The following COPB1 variants were observed in gnomAD, a reference collection of about 807,000 sequenced individuals.
COPB1 encodes the protein coatomer subunit beta.
Under a neutral mutation model 108.7 loss-of-function variants are expected in COPB1, and 21 were observed. That is an observed-to-expected ratio of 0.19 (90% CI 0.14 to 0.28). COPB1 has a LOEUF of 0.28. Ranked by LOEUF, COPB1 falls within the 10% of genes least tolerant of loss-of-function variation. The probability of loss-of-function intolerance (pLI) is 1.00; values close to 1 mark genes in which losing one functional copy is unlikely to be tolerated. For synonymous variants in COPB1, 378 were observed against 386.8 expected (o/e 0.98, Z 0.27); for missense variants, 919 against 1,141.3 (o/e 0.81, Z 2.81).
At chr11:14,477,108 G>C in intron 11 of COPB1, 93 bp from the exon 12 acceptor site, 1 of 916,080 alleles carries the variant, frequency 1.1e-6, no homozygotes, top group Non-Finnish European at 1.8e-6. Context: ...TAAAAACAAG[G>C]GCCAGGCACT....
At chr11:14,464,846 T>A (rs905890228) in intron 18 of COPB1, 65 bp downstream of exon 18, 2 of 1,551,640 alleles carry the variant, frequency 1.3e-6, no homozygotes, top group African/African-American at 2.7e-5. Flanking sequence ...TGTCCCCAGC[T>A]ACTCACTATA....
intron 12 of COPB1, among the ~76,000 whole-genome samples, chr11:14,476,195 C>T (rs1788132254): frequency 6.6e-6 from 1 of 152,094 alleles, no homozygotes; most frequent in Admixed American, 6.5e-5. Context: ...TCTTAATCTG[C>T]TAAGTGGAAA....
intron 11 of COPB1, among the ~76,000 whole-genome samples, chr11:14,478,002 T>C (rs1381733764): frequency 2.7e-5 from 4 of 147,456 alleles, no homozygotes; most frequent in African/African-American, 1.0e-4. Context: ...CAAGCTTCTG[T>C]CTCAATAACA....
In COPB1 at chr11:14,458,426, TATGC is replaced by T; in HGVS notation, c.2802+102_2802+105del. 6 of 1,066,216 alleles carry T rather than the reference TATGC, an allele frequency of 5.6e-6. No homozygotes were observed. The South Asian group carries it at 1.1e-4, about 19-fold the overall frequency. 66.0% of individuals were successfully genotyped at this position (1,066,216 alleles called of 1,614,324 possible). On this transcript the variant is annotated intron_variant, in intron 21 of 21. Coordinates refer to ENST00000439561, the MANE Select transcript of COPB1 (RefSeq NM_001144061.2). ...AGAGTATATTATTATTGTATGTGTATATGCATCTAATGCTAAAAAGATACTACAT... is the reference window on the plus strand; with the variant it reads ...AGAGTATATTATTATTGTATGTGTATATCTAATGCTAAAAAGATACTACAT...
intron 14 of COPB1, among the ~76,000 whole-genome samples, chr11:14,470,898 A>G (rs1315108414): frequency 9.8e-6 from 1 of 102,128 alleles, no homozygotes; most frequent in African/African-American, 3.9e-5. Flanking sequence ...AGTGGAAGAA[A>G]TACACACACA....
chr11:14,480,410 A>G (rs1369745041), intron 10 of COPB1, among the ~76,000 whole-genome samples: 1 of 152,230 alleles, frequency 6.6e-6, no homozygotes, highest in Non-Finnish European at 1.5e-5. Context: ...AATTTTTCCT[A>G]TAACTGATTC....
At position 14,488,594 on chromosome 11, in the gene COPB1, A is replaced by G. The variant is rs555876578; in HGVS notation, c.607-10T>C. The G allele has an allele frequency of 2.6e-6, 4 of 1,565,624 alleles. No individual in the cohort carries two copies. Among genetic ancestry groups the G allele is most frequent in the African/African-American group, 2.7e-5 (2 of 73,990 alleles). ...AATCCAAAGCTCGATCCTAAAAAAA[A>G]TAAGAATATATTTATCATTCTCCAC... On this transcript the variant is annotated splice_polypyrimidine_tract_variant and intron_variant, in intron 5 of 21. Coordinates refer to ENST00000439561, the MANE Select transcript of COPB1 (RefSeq NM_001144061.2).
chr11:14,493,505 TA>T, intron 4 of COPB1, 136 bp downstream of exon 4: 1 of 641,810 alleles, frequency 1.6e-6, no homozygotes, highest in Non-Finnish European at 2.4e-6. Context: ...TCAATGTTCA[TA>T]ATAAAAAATA....
rs200966318 is a variant in COPB1, at chr11:14,458,583, C to T, written c.2751G>A (p.Gln917=). 6.2e-6 allele frequency: 10 copies of T among 1,613,588 alleles called. No individual in the cohort carries two copies. The East Asian group carries it at 2.2e-4, about 36-fold the overall frequency. ...ANVSIEKPIH[Q]GPDAAVTGHI... is the part of the protein sequence containing the mutation. Reference sequence around the variant, plus strand: ...GGCCGGTAACAGCAGCATCTGGTCCCTGGTGAATTGGCTTCTCAATGCTGA... The same window carrying T: ...GGCCGGTAACAGCAGCATCTGGTCCTTGGTGAATTGGCTTCTCAATGCTGA... The change falls in exon 21 of 22, where the codon CAG becomes CAA. Residue 917 remains glutamine (Q), a synonymous_variant. Coordinates refer to ENST00000439561, the MANE Select transcript of COPB1 (RefSeq NM_001144061.2).
rs1176122995 is a variant in COPB1 at position 14,476,016 on chromosome 11, A to C, written c.1456-71T>G. ...AAGCAAAATTATCTTTAAATATTTG[A>C]TTGTTTCTCTAAAAAAGGCATTACC... On this transcript the variant is annotated intron_variant, in intron 12 of 21. Coordinates refer to ENST00000439561, the MANE Select transcript of COPB1 (RefSeq NM_001144061.2). The C allele has an allele frequency of 2.2e-6, 3 of 1,355,948 alleles. No individual in the cohort carries two copies. In the African/African-American group the frequency reaches 4.4e-5, roughly 20 times the overall value. 84.0% of individuals were successfully genotyped at this position (1,355,948 alleles called of 1,614,324 possible).
chr11:14,458,982 G>A (rs1189510167), intron 20 of COPB1, among the ~76,000 whole-genome samples: 1 of 152,120 alleles, frequency 6.6e-6, no homozygotes, highest in Non-Finnish European at 1.5e-5. Context: ...TGGCCAGGCT[G>A]GTCTTGAACT....
chr11:14,470,528 T>A (rs555905803), intron 14 of COPB1, among the ~76,000 whole-genome samples: 1 of 152,348 alleles, frequency 6.6e-6, no homozygotes, highest in African/African-American at 2.4e-5. Flanking sequence ...ACTTACTTTT[T>A]TAGTCTCATG....
chr11:14,499,093 T>C (rs1036027660), intron 1 of COPB1, 108 bp from the exon 2 acceptor site: 52 of 553,504 alleles, frequency 9.4e-5, no homozygotes, highest in Middle Eastern at 4.7e-4. Context: ...TCAATCTATA[T>C]CGTGTTCCCA....
At chr11:14,486,156 T>A (rs1181687116) in intron 7 of COPB1, among the ~76,000 whole-genome samples, 1 of 152,162 alleles carries the variant, frequency 6.6e-6, no homozygotes, top group African/African-American at 2.4e-5. Flanking sequence ...TGTACTGTCA[T>A]TCTCTGTCTG....
chr11:14,482,131 T>G (rs1285769792), intron 8 of COPB1, among the ~76,000 whole-genome samples: 1 of 152,172 alleles, frequency 6.6e-6, no homozygotes, highest in African/African-American at 2.4e-5. Flanking sequence ...AGTGTATCTC[T>G]CTCAAGGGTA....
At chr11:14,459,799 T>C (rs1850105806) in intron 20 of COPB1, among the ~76,000 whole-genome samples, 1 of 152,034 alleles carries the variant, frequency 6.6e-6, no homozygotes, top group South Asian at 2.1e-4. Context: ...GTATTTTTAG[T>C]AGAGATGGGG....
Position 14,494,328 on chromosome 11 carries a change from G to C in COPB1, c.203C>G (p.Pro68Arg). The C allele has an allele frequency of 6.2e-7, 1 of 1,613,386 alleles. No individual in the cohort carries two copies. The highest frequency in any genetic ancestry group is 8.5e-7 in the Non-Finnish European group (1 of 1,179,486). The stretch of plus-strand genomic sequence containing the variant: ...TTTCTTGATAGTGTGATCCTGAAGA[G>C]GTAGCACAAAACGAATGATGGTCAT... ...LLMTIIRFVLPLQDHTIKKLL... is the reference protein window; with the variant it reads ...LLMTIIRFVLRLQDHTIKKLL... The change falls in exon 3 of 22, where the codon CCT becomes CGT. Residue 68 changes from proline (P) to arginine (R), a missense_variant. Around this residue, in one of 5 missense-constraint regions of COPB1, gnomAD observed 92 missense variants for 108.4 expected, o/e 0.85. Coordinates refer to ENST00000439561, the MANE Select transcript of COPB1 (RefSeq NM_001144061.2).
intron 7 of COPB1, 83 bp downstream of exon 7, chr11:14,486,284 A>G: frequency 1.3e-6 from 2 of 1,492,306 alleles, no homozygotes; most frequent in South Asian, 1.2e-5. Flanking sequence ...GTAACCACAT[A>G]GTGAATTGAA....
At position 14,460,201 on chromosome 11, in the gene COPB1, A is replaced by T. The variant is rs746723778; in HGVS notation, c.2646+7T>A. ...TCAGATTTCTGAATTTCCTAGTCAA[A>T]TTTTACCTTTTCTGGAGTCAGGCAT... On this transcript the variant is annotated splice_region_variant and intron_variant, in intron 20 of 21. Coordinates refer to ENST00000439561, the MANE Select transcript of COPB1 (RefSeq NM_001144061.2). 6 of 1,581,826 alleles carry T rather than the reference A, an allele frequency of 3.8e-6. No homozygotes were observed. The highest frequency in any genetic ancestry group is 3.5e-6 in the Non-Finnish European group (4 of 1,152,894).
Sources: gnomAD v4.1 joint callset for allele counts (sites outside exome capture counted in the v4.1 genomes callset) on GRCh38, gnomAD v4.1.1 for gene constraint, gnomAD v4.1.1 regional missense constraint, MANE v1.5 for transcripts, NCBI Gene and HGNC (gene_info 2026-07-23, HGNC 2026-07-21) for gene names.